TMTC1: variants seen among roughly 807,000 people sequenced by gnomAD.
TMTC1 encodes the protein transmembrane O-mannosyltransferase targeting cadherins 1.
In TMTC1, 73 loss-of-function variants were observed where a neutral mutation model predicts 104.8. That is an observed-to-expected ratio of 0.70 (90% CI 0.58 to 0.85). The LOEUF is 0.85. Ranked by LOEUF, TMTC1 falls within the 40% of genes least tolerant of loss-of-function variation. The probability of loss-of-function intolerance (pLI) is 0.00; values close to 1 mark genes in which losing one functional copy is unlikely to be tolerated. For missense variants in TMTC1, 1,035 were observed against 1,096.1 expected (o/e 0.94, Z 0.79); for synonymous variants, 434 against 428.7 (o/e 1.01, Z -0.15).
chr12:29,772,140 CTTT>C (rs1306860120), intron 1 of TMTC1, among the ~76,000 whole-genome samples: 1 of 152,148 alleles, frequency 6.6e-6, no homozygotes, highest in Non-Finnish European at 1.5e-5. Context: ...TTTCATACTT[CTTT>C]TTTATTTATC....
chr12:29,546,763 T>C (rs1944953155), intron 10 of TMTC1, among the ~76,000 whole-genome samples: 1 of 152,100 alleles, frequency 6.6e-6, no homozygotes, highest in South Asian at 2.1e-4. Context: ...ATCAGACTAG[T>C]CCCAGCTACT....
At chr12:29,602,128 C>T (rs950608639) in intron 7 of TMTC1, among the ~76,000 whole-genome samples, 2 of 151,116 alleles carry the variant, frequency 1.3e-5, no homozygotes, top group African/African-American at 4.9e-5. Flanking sequence ...GCCACCGCGC[C>T]TGGCATCTCA....
intron 5 of TMTC1, among the ~76,000 whole-genome samples, chr12:29,651,456 C>T (rs2136601184): frequency 6.6e-6 from 1 of 152,292 alleles, no homozygotes; most frequent in Non-Finnish European, 1.5e-5. Flanking sequence ...ATACTGTTCT[C>T]TCCGCTTTTG....
chr12:29,516,773 A>G (rs553804153), intron 14 of TMTC1, among the ~76,000 whole-genome samples: 2 of 152,322 alleles, frequency 1.3e-5, no homozygotes, highest in Non-Finnish European at 2.9e-5. Flanking sequence ...GTCAGAAGAG[A>G]AAGAATTTCC....
intron 7 of TMTC1, among the ~76,000 whole-genome samples, chr12:29,597,402 T>C (rs1317865293): frequency 6.6e-6 from 1 of 151,974 alleles, no homozygotes; most frequent in African/African-American, 2.4e-5. Context: ...ACGCATCACC[T>C]GTTCCTGCTG....
intron 5 of TMTC1, among the ~76,000 whole-genome samples, chr12:29,687,050 G>C (rs984270585): frequency 6.6e-6 from 1 of 152,072 alleles, no homozygotes; most frequent in Non-Finnish European, 1.5e-5. Flanking sequence ...ATGTATAAGA[G>C]ATATTGGGAT....
At chr12:29,638,708 T>A (rs1358105031) in intron 5 of TMTC1, among the ~76,000 whole-genome samples, 2 of 152,106 alleles carry the variant, frequency 1.3e-5, no homozygotes, top group East Asian at 3.9e-4. Flanking sequence ...ACTCTCCCCA[T>A]GACCGGCTGG....
chr12:29,651,906 A>ACCCCCC (rs1238163511), intron 5 of TMTC1, among the ~76,000 whole-genome samples: 1 of 151,936 alleles, frequency 6.6e-6, no homozygotes, highest in African/African-American at 2.4e-5. Flanking sequence ...CTTGCCCAAA[A>ACCCCCC]AAAAAAAAAA....
chr12:29,638,238 T>C (rs1938653874), intron 5 of TMTC1, among the ~76,000 whole-genome samples: 1 of 151,832 alleles, frequency 6.6e-6, no homozygotes, highest in South Asian at 2.1e-4. Context: ...CCTGAGACCC[T>C]AGCGGGCACA....
chr12:29,728,451 C>T (rs1942459444), intron 5 of TMTC1, among the ~76,000 whole-genome samples: 1 of 152,122 alleles, frequency 6.6e-6, no homozygotes, highest in African/African-American at 2.4e-5. Flanking sequence ...CAGGGTTGTA[C>T]AAGCTCGAAC....
In TMTC1 at chr12:29,556,859, G is replaced by A. The variant is rs1197120638; in HGVS notation, c.1674C>T (p.Leu558=). 6.2e-7 allele frequency: 1 copy of A among 1,613,984 alleles called. No homozygotes were observed. ...TCGATGGTAAACGTCCCACTTACTT[G>A]AGGAGATTCCCCAGATTGAAAAGAG... ...NRALFNLGNL[L]KSQEKKEEAI... The change falls in exon 10 of 18, where the codon CTC becomes CTT. Residue 558 remains leucine (L), a splice_region_variant and synonymous_variant. Coordinates refer to ENST00000539277, the MANE Select transcript of TMTC1 (RefSeq NM_001193451.2).
At chr12:29,697,430 G>A (rs1380980683) in intron 5 of TMTC1, among the ~76,000 whole-genome samples, 1 of 152,220 alleles carries the variant, frequency 6.6e-6, no homozygotes, top group East Asian at 1.9e-4. Context: ...TTTCTCTGAT[G>A]CTTAAGGGGT....
intron 6 of TMTC1, among the ~76,000 whole-genome samples, chr12:29,605,571 TAAAAAA>T (rs34353381): frequency 2.9e-5 from 3 of 101,888 alleles, no homozygotes; most frequent in African/African-American, 1.0e-4. Context: ...CCAAAAAGGG[TAAAAAA>T]AAAAAAAAAA....
intron 6 of TMTC1, among the ~76,000 whole-genome samples, chr12:29,609,087 G>A (rs1192953233): frequency 6.6e-6 from 1 of 152,090 alleles, no homozygotes; most frequent in African/African-American, 2.4e-5. Flanking sequence ...TGGAAAATAG[G>A]CTTATTATAG....
chr12:29,519,435 CTGA>C (rs1944086659), intron 12 of TMTC1: 1 of 152,190 alleles, frequency 6.6e-6, no homozygotes, highest in South Asian at 2.1e-4. Flanking sequence ...GCCCTCTACT[CTGA>C]TAGGTTTCTT....
intron 7 of TMTC1, among the ~76,000 whole-genome samples, chr12:29,586,350 T>G (rs1592275444): frequency 6.6e-6 from 1 of 152,190 alleles, no homozygotes; most frequent in African/African-American, 2.4e-5. Context: ...GATGATGGGG[T>G]TTTCTAGATA....
At chr12:29,717,784 A>G (rs1269590547) in intron 5 of TMTC1, among the ~76,000 whole-genome samples, 1 of 152,178 alleles carries the variant, frequency 6.6e-6, no homozygotes, top group Non-Finnish European at 1.5e-5. Context: ...CATATTGGGA[A>G]TTATAATTCC....
rs537192744 is a variant in TMTC1, at chr12:29,506,086, T to C, written c.*760A>G. Reference sequence around the variant, plus strand: ...AACATGTATGATTTTAAATGCACTTTTGAAATCTTAGAGTAGAACCACCAC... The same window carrying C: ...AACATGTATGATTTTAAATGCACTTCTGAAATCTTAGAGTAGAACCACCAC... On this transcript the variant is annotated 3_prime_UTR_variant, in exon 18 of 18. Coordinates refer to ENST00000539277, the MANE Select transcript of TMTC1 (RefSeq NM_001193451.2). The C allele has an allele frequency of 3.9e-5, 6 of 152,268 alleles. No homozygotes were observed. The South Asian group carries it at 1.2e-3, about 32-fold the overall frequency. The allele number at this position is 152,268 out of a possible 1,614,324, so 9.4% of individuals were successfully genotyped here.
chr12:29,620,486 A>T (rs1947102600), intron 6 of TMTC1, among the ~76,000 whole-genome samples: 1 of 152,258 alleles, frequency 6.6e-6, no homozygotes, highest in South Asian at 2.1e-4. Flanking sequence ...TTCATGTGAG[A>T]CTAACAAATG....
Sources: gnomAD v4.1 joint callset for allele counts (sites outside exome capture counted in the v4.1 genomes callset) on GRCh38, gnomAD v4.1.1 for gene constraint, MANE v1.5 for transcripts, NCBI Gene and HGNC (gene_info 2026-07-23, HGNC 2026-07-21) for gene names.